TAX1BP1: variants seen among roughly 807,000 people sequenced by gnomAD.
TAX1BP1 encodes Tax1 binding protein 1.
TAX1BP1 carries 62 observed loss-of-function variants against 97.7 expected under a neutral mutation model. That is an observed-to-expected ratio of 0.63 (90% confidence interval 0.52 to 0.78). TAX1BP1 has a LOEUF of 0.78. Ranked by LOEUF, TAX1BP1 falls within the 30% of genes least tolerant of loss-of-function variation. TAX1BP1 has a pLI of 0.00. For missense variants in TAX1BP1, 867 were observed against 916.1 expected (o/e 0.95, Z 0.69); for synonymous variants, 340 against 304.2 (o/e 1.12, Z -1.23).
At chr7:27,740,650 T>C (rs970513467) in intron 1 of TAX1BP1, among the ~76,000 whole-genome samples, 4 of 152,106 alleles carry the variant, frequency 2.6e-5, no homozygotes, top group Non-Finnish European at 5.9e-5. Flanking sequence ...GGCTAAACTC[T>C]GGGGTGACTG....
At position 27,791,819 on chromosome 7, in the gene TAX1BP1, T is replaced by G. The variant is rs142222496; in HGVS notation, c.1039-187T>G. ...TAGCAGTGAAACCAAGTACATAGGG[T>G]TGTTATAGAGGGAACCTAAAACAAA... On this transcript the variant is annotated intron_variant, in intron 8 of 16. Coordinates refer to ENST00000396319, the MANE Select transcript of TAX1BP1 (RefSeq NM_006024.7). Among the ~76,000 whole-genome samples, 93 of 152,220 alleles carry G rather than the reference T, an allele frequency of 6.1e-4. 1 individual carries two copies. Among genetic ancestry groups the G allele is most frequent in the Non-Finnish European group, 7.9e-4 (54 of 68,010 alleles).
intron 4 of TAX1BP1, 98 bp downstream of exon 4, chr7:27,766,119 C>T: frequency 1.6e-6 from 2 of 1,274,444 alleles, no homozygotes; most frequent in Non-Finnish European, 2.1e-6. Flanking sequence ...GTGAGAGTTG[C>T]CACAAAAATC....
chr7:27,809,971 G>A (rs1790491246), intron 13 of TAX1BP1, among the ~76,000 whole-genome samples: 1 of 151,728 alleles, frequency 6.6e-6, no homozygotes, highest in Non-Finnish European at 1.5e-5. Context: ...GCAGTGGCGC[G>A]ATCTTGGCTC....
intron 8 of TAX1BP1, among the ~76,000 whole-genome samples, chr7:27,788,169 G>T (rs2128316920): frequency 6.6e-6 from 1 of 152,124 alleles, no homozygotes; most frequent in South Asian, 2.1e-4. Context: ...ATCTGGATTT[G>T]TCTGTTGTTT....
In TAX1BP1 at chr7:27,769,753, A is replaced by G; in HGVS notation, c.531A>G (p.Gln177=). The G allele has an allele frequency of 6.2e-7, 1 of 1,612,736 alleles. No homozygotes were observed. The change falls in exon 5 of 17, where the codon CAA becomes CAG. Residue 177 remains glutamine (Q), a synonymous_variant. Transcript: ENST00000396319. ...LIAVLEKETA[Q]LREQVGRMER... Reference sequence around the variant, plus strand: ...CCGTTCTGGAAAAAGAAACAGCACAACTTCGAGAACAAGTTGGGAGAATGG... The same window carrying G: ...CCGTTCTGGAAAAAGAAACAGCACAGCTTCGAGAACAAGTTGGGAGAATGG...
At chr7:27,742,762 A>G (rs978878401) in intron 1 of TAX1BP1, among the ~76,000 whole-genome samples, 4 of 152,124 alleles carry the variant, frequency 2.6e-5, no homozygotes, top group Non-Finnish European at 4.4e-5. Context: ...CACCGCACCC[A>G]GCCCATCACG....
intron 5 of TAX1BP1, among the ~76,000 whole-genome samples, chr7:27,770,405 A>G (rs1371903649): frequency 6.6e-6 from 1 of 152,082 alleles, no homozygotes; most frequent in Non-Finnish European, 1.5e-5. Flanking sequence ...AAGAAGCCAA[A>G]AACAGTGAAA....
intron 5 of TAX1BP1, among the ~76,000 whole-genome samples, chr7:27,770,615 A>G (rs1788810871): frequency 1.3e-5 from 2 of 152,086 alleles, no homozygotes; most frequent in African/African-American, 2.4e-5. Context: ...TTTGTCCAAC[A>G]AGGCCTCCAG....
intron 1 of TAX1BP1, among the ~76,000 whole-genome samples, chr7:27,740,950 C>A (rs906544597): frequency 6.6e-6 from 1 of 152,174 alleles, no homozygotes; most frequent in African/African-American, 2.4e-5. Flanking sequence ...CTTAGGGAAT[C>A]TGTGGCTAGA....
At chr7:27,739,971 T>G (rs1411918516), upstream of TAX1BP1, 1 of 152,094 alleles carries the variant, frequency 6.6e-6, no homozygotes, top group Non-Finnish European at 1.5e-5. Context: ...TGCGATTAAG[T>G]TGAACGAAAA....
chr7:27,803,708 G>T (rs1440872771), intron 13 of TAX1BP1, among the ~76,000 whole-genome samples: 1 of 152,232 alleles, frequency 6.6e-6, no homozygotes, highest in Non-Finnish European at 1.5e-5. Context: ...TTGCACTGAA[G>T]ATGTTAAAAC....
Position 27,792,237 on chromosome 7 carries a change from C to G in TAX1BP1, c.1263+7C>G. 6.3e-7 allele frequency: 1 copy of G among 1,590,126 alleles called. No individual in the cohort carries two copies. The highest frequency in any genetic ancestry group is 8.6e-7 in the Non-Finnish European group (1 of 1,166,800). On this transcript the variant is annotated splice_region_variant and intron_variant, in intron 9 of 16. Coordinates refer to ENST00000396319, the MANE Select transcript of TAX1BP1 (RefSeq NM_006024.7). ...TGCTATGAAAAAAGATCAGGTAAAACAAGTTAATTTTGAATTTGCATTTTG... is the reference window on the plus strand; with the variant it reads ...TGCTATGAAAAAAGATCAGGTAAAAGAAGTTAATTTTGAATTTGCATTTTG...
At chr7:27,748,717 G>A in intron 2 of TAX1BP1, 31 bp downstream of exon 2, 1 of 1,452,030 alleles carries the variant, frequency 6.9e-7, no homozygotes, top group Non-Finnish European at 9.2e-7. Context: ...TGTTCTCCAT[G>A]TAAACACTTA....
At position 27,769,661 on chromosome 7, in the gene TAX1BP1, T is replaced by G. The variant is rs755545987; in HGVS notation, c.454-15T>G. 1 of 1,582,874 alleles carries G rather than the reference T, an allele frequency of 6.3e-7. No individual in the cohort carries two copies. On this transcript the variant is annotated splice_polypyrimidine_tract_variant and intron_variant, in intron 4 of 16. Coordinates refer to ENST00000396319, the MANE Select transcript of TAX1BP1 (RefSeq NM_006024.7). ...TAAGCAAAAAACTAATTAATCTGAGTTTTTTGCTTTATAGTTGAAAATTGA... is the reference window on the plus strand; with the variant it reads ...TAAGCAAAAAACTAATTAATCTGAGGTTTTTGCTTTATAGTTGAAAATTGA...
chr7:27,745,795 T>C (rs1323296048), intron 1 of TAX1BP1, among the ~76,000 whole-genome samples: 1 of 152,066 alleles, frequency 6.6e-6, no homozygotes, highest in East Asian at 1.9e-4. Context: ...ATAATACATT[T>C]ATATATACTT....
At chr7:27,740,811 G>A (rs1016323707) in intron 1 of TAX1BP1, among the ~76,000 whole-genome samples, 2 of 152,184 alleles carry the variant, frequency 1.3e-5, no homozygotes, top group African/African-American at 4.8e-5. Flanking sequence ...GACTCCCTGC[G>A]CCGCCTACTT....
chr7:27,800,135 T>A, intron 13 of TAX1BP1, 45 bp downstream of exon 13: 1 of 1,480,930 alleles, frequency 6.8e-7, no homozygotes, highest in Non-Finnish European at 9.0e-7. Context: ...CATAAACTTC[T>A]GAAAATTAGT....
chr7:27,787,284 C>G (rs1280068249), intron 7 of TAX1BP1, 134 bp from the exon 8 acceptor site: 5 of 694,416 alleles, frequency 7.2e-6, no homozygotes, highest in Non-Finnish European at 1.1e-5. Context: ...GAACCTGGGT[C>G]TCCTAAATCC....
chr7:27,783,553 A>G (rs1789345502), intron 5 of TAX1BP1, among the ~76,000 whole-genome samples: 1 of 152,220 alleles, frequency 6.6e-6, no homozygotes, highest in Non-Finnish European at 1.5e-5. Flanking sequence ...AATTCACTGT[A>G]AAGTTAACTG....
Sources: allele counts gnomAD v4.1 joint callset (sites outside exome capture counted in the v4.1 genomes callset), GRCh38; gene constraint gnomAD v4.1.1; transcripts MANE v1.5; gene names NCBI Gene and HGNC (gene_info 2026-07-23, HGNC 2026-07-21).